The following ITCH variants were observed in gnomAD, a reference collection of about 807,000 sequenced individuals.
The protein encoded by ITCH is itchy E3 ubiquitin protein ligase.
ITCH carries 28 observed loss-of-function variants against 126.8 expected under a neutral mutation model. The observed-to-expected ratio is 0.22, with a 90% confidence interval of 0.16 to 0.30. ITCH has a LOEUF of 0.30. Ranked by LOEUF, ITCH falls within the 10% of genes least tolerant of loss-of-function variation. The pLI is 1.00. For synonymous variants in ITCH, 342 were observed against 340.0 expected (o/e 1.01, Z -0.06); for missense variants, 631 against 1,032.4 (o/e 0.61, Z 5.33).
At chr20:34,500,969 A>G (rs1990213657) in intron 23 of ITCH, among the ~76,000 whole-genome samples, 1 of 152,212 alleles carries the variant, frequency 6.6e-6, no homozygotes, top group Non-Finnish European at 1.5e-5. Flanking sequence ...CATGTCTGGG[A>G]AATACTGTAT....
At chr20:34,396,083 G>T (rs1440594081) in intron 3 of ITCH, among the ~76,000 whole-genome samples, 1 of 150,470 alleles carries the variant, frequency 6.6e-6, no homozygotes, top group Non-Finnish European at 1.5e-5. Flanking sequence ...GCCTAGGTTG[G>T]AGTGCAGTGG....
chr20:34,380,321 G>A (rs1381467621), intron 2 of ITCH, among the ~76,000 whole-genome samples: 1 of 151,966 alleles, frequency 6.6e-6, no homozygotes, highest in Admixed American at 6.6e-5. Flanking sequence ...GACTGAATAG[G>A]CTCAAGTACA....
intron 3 of ITCH, among the ~76,000 whole-genome samples, chr20:34,407,229 A>G (rs908105764): frequency 3.3e-5 from 5 of 152,246 alleles, no homozygotes; most frequent in African/African-American, 1.2e-4. Context: ...TTATTCTTCC[A>G]TTGGCTTTCC....
chr20:34,367,586 G>A (rs994019495), intron 1 of ITCH, among the ~76,000 whole-genome samples: 4 of 152,190 alleles, frequency 2.6e-5, no homozygotes, highest in Non-Finnish European at 4.4e-5. Context: ...CTGGTTGTAG[G>A]TGCTCTGAGA....
At chr20:34,376,882 T>C in intron 2 of ITCH, among the ~76,000 whole-genome samples, 1 of 152,118 alleles carries the variant, frequency 6.6e-6, no homozygotes, top group East Asian at 1.9e-4. Context: ...AAAGGTTGCA[T>C]TAAAGAGGGC....
intron 7 of ITCH, among the ~76,000 whole-genome samples, chr20:34,425,765 C>T (rs993518372): frequency 2.6e-5 from 4 of 152,204 alleles, no homozygotes; most frequent in Admixed American, 1.3e-4. Context: ...CACCATCACC[C>T]TGTTGCCCTG....
intron 20 of ITCH, among the ~76,000 whole-genome samples, chr20:34,484,848 A>G (rs1988997583): frequency 1.3e-5 from 2 of 152,180 alleles, no homozygotes; most frequent in Admixed American, 1.3e-4. Context: ...TTCTGTAAAC[A>G]CTGTTCCATA....
intron 7 of ITCH, among the ~76,000 whole-genome samples, chr20:34,434,335 A>G (rs1294655624): frequency 6.6e-6 from 1 of 152,174 alleles, no homozygotes; most frequent in African/African-American, 2.4e-5. Context: ...CACTAACTAT[A>G]TTAACTGCAT....
intron 11 of ITCH, among the ~76,000 whole-genome samples, chr20:34,447,428 G>C (rs1431734680): frequency 1.3e-5 from 2 of 152,084 alleles, no homozygotes; most frequent in Non-Finnish European, 2.9e-5. Flanking sequence ...TCTGTTTATT[G>C]AGTATATGAA....
At chr20:34,383,615 C>T (rs1050973074) in intron 2 of ITCH, among the ~76,000 whole-genome samples, 3 of 151,948 alleles carry the variant, frequency 2.0e-5, no homozygotes, top group Admixed American at 1.3e-4. Context: ...ATCTGCCTGC[C>T]TCGGCTTCCC....
At chr20:34,437,868 A>G (rs753673969) in intron 7 of ITCH, among the ~76,000 whole-genome samples, 7 of 152,142 alleles carry the variant, frequency 4.6e-5, no homozygotes, top group Non-Finnish European at 7.3e-5. Context: ...CCTCCTTTCT[A>G]TCCCTCCAGT....
At chr20:34,474,370 CGAGCA>C in intron 16 of ITCH, among the ~76,000 whole-genome samples, 1 of 152,298 alleles carries the variant, frequency 6.6e-6, no homozygotes, top group Admixed American at 6.5e-5. Context: ...TGACTCTTAA[CGAGCA>C]TGCTGTCTTC....
chr20:34,399,860 A>G (rs7271970), intron 3 of ITCH, among the ~76,000 whole-genome samples: 77,583 of 151,776 alleles, frequency 0.51, 20,096 homozygotes, highest in Admixed American at 0.62. Flanking sequence ...GGCTGAAGCA[A>G]TCCTCTCTCC....
intron 6 of ITCH, chr20:34,417,293 C>CA (rs1980030748): frequency 2.2e-6 from 1 of 448,522 alleles, no homozygotes; most frequent in Non-Finnish European, 4.1e-6. Context: ...GACAGGGTTT[C>CA]TCCGTGTTGG....
intron 16 of ITCH, among the ~76,000 whole-genome samples, chr20:34,475,236 C>T (rs1278691747): frequency 6.6e-6 from 1 of 152,184 alleles, no homozygotes; most frequent in African/African-American, 2.4e-5. Context: ...AGATGCTCCT[C>T]ACTTCCCAGA....
intron 2 of ITCH, among the ~76,000 whole-genome samples, chr20:34,392,073 C>T (rs866397236): frequency 4.7e-4 from 72 of 151,958 alleles, no homozygotes; most frequent in African/African-American, 1.6e-3. Flanking sequence ...TAAATATTGT[C>T]GTTCTATGGC....
At position 34,511,736 on chromosome 20, in the gene ITCH, C is replaced by T. The variant is rs1978833151; in HGVS notation, c.*3942C>T. ...ATTTACATTATAAGCTATATGTCTA[C>T]ATGTGAGTGTACATTCATCTAAAGA... On this transcript the variant is annotated 3_prime_UTR_variant, in exon 25 of 25. Transcript: ENST00000374864. Among the ~76,000 whole-genome samples, 1 of 152,234 alleles carries T rather than the reference C, an allele frequency of 6.6e-6. No individual in the cohort carries two copies. The highest frequency in any genetic ancestry group is 2.4e-5 in the African/African-American group (1 of 41,460).
At chr20:34,440,750 T>A (rs1568943659) in intron 9 of ITCH, among the ~76,000 whole-genome samples, 1 of 152,056 alleles carries the variant, frequency 6.6e-6, no homozygotes, top group Non-Finnish European at 1.5e-5. Context: ...CCCAGCCAAC[T>A]GTTTTTATGT....
intron 14 of ITCH, among the ~76,000 whole-genome samples, chr20:34,463,640 T>A (rs138066163): frequency 8.1e-4 from 123 of 152,250 alleles, no homozygotes; most frequent in African/African-American, 2.6e-3. Context: ...CATATTTTTT[T>A]TTAAATAGTC....
Sources: allele counts gnomAD v4.1 joint callset (sites outside exome capture counted in the v4.1 genomes callset), GRCh38; gene constraint gnomAD v4.1.1; transcripts MANE v1.5; gene names NCBI Gene and HGNC (gene_info 2026-07-23, HGNC 2026-07-21).